Variants in KDM4C observed in about 807,000 individuals in gnomAD.
KDM4C encodes the protein lysine demethylase 4C, also known as lysine-specific demethylase 4C.
In KDM4C, 81 loss-of-function variants were observed where a neutral mutation model predicts 129.3. The ratio of observed to expected loss-of-function variants is 0.63; its 90% CI spans 0.52 to 0.75. The LOEUF is 0.75. KDM4C is among the 30% of genes least tolerant of loss of function. The pLI is 0.00. For missense variants in KDM4C, 1,457 were observed against 1,304.0 expected, an observed-to-expected ratio of 1.12 and a Z score of -1.81; for synonymous variants, 573 against 456.1, an observed-to-expected ratio of 1.26 and a Z score of -3.26.
At chr9:7,087,128 C>A (rs1303081817) in intron 17 of KDM4C, among the ~76,000 whole-genome samples, 2 of 148,986 alleles carry the variant, frequency 1.3e-5, no homozygotes, top group African/African-American at 2.5e-5. Context: ...TAAAGGAGTA[C>A]CCAAATGATG....
chr9:6,843,349 T>C (rs1196770952), intron 4 of KDM4C, among the ~76,000 whole-genome samples: 3 of 152,228 alleles, frequency 2.0e-5, no homozygotes, highest in Non-Finnish European at 4.4e-5. Flanking sequence ...TCTTTGAAAA[T>C]GAAAAATTTA....
chr9:6,960,549 G>A (rs990438276), intron 8 of KDM4C, among the ~76,000 whole-genome samples: 1 of 152,140 alleles, frequency 6.6e-6, no homozygotes, highest in African/African-American at 2.4e-5. Flanking sequence ...ATGAGTCACT[G>A]TGCGTGGCCT....
chr9:7,001,439 C>T (rs1820698899), intron 12 of KDM4C, among the ~76,000 whole-genome samples: 1 of 152,124 alleles, frequency 6.6e-6, no homozygotes, highest in Non-Finnish European at 1.5e-5. Context: ...TTCTTGGGGA[C>T]CCCCAGGAGA....
At chr9:7,059,073 T>G (rs1232575324) in intron 17 of KDM4C, among the ~76,000 whole-genome samples, 2 of 152,222 alleles carry the variant, frequency 1.3e-5, no homozygotes, top group Non-Finnish European at 2.9e-5. Context: ...GTGATATTAA[T>G]TAATGTAGAC....
intron 8 of KDM4C, among the ~76,000 whole-genome samples, chr9:6,955,235 T>C (rs971422453): frequency 6.6e-6 from 1 of 152,222 alleles, no homozygotes. Context: ...TTTAATAGTA[T>C]CAGTTTTTGG....
intron 1 of KDM4C, among the ~76,000 whole-genome samples, chr9:6,722,659 A>G: frequency 6.6e-6 from 1 of 151,838 alleles, no homozygotes; most frequent in Non-Finnish European, 1.5e-5. Context: ...GATTACAGAC[A>G]TGCACCACCA....
At chr9:7,026,968 A>G (rs1458101957) in intron 15 of KDM4C, among the ~76,000 whole-genome samples, 1 of 152,036 alleles carries the variant, frequency 6.6e-6, no homozygotes, top group Non-Finnish European at 1.5e-5. Flanking sequence ...CGTTAAGTTT[A>G]TCTGATATAA....
At chr9:7,022,067 ATAATTT>A (rs1378868594) in intron 15 of KDM4C, among the ~76,000 whole-genome samples, 4 of 152,112 alleles carry the variant, frequency 2.6e-5, no homozygotes, top group African/African-American at 7.2e-5. Flanking sequence ...GCTCTGTATT[ATAATTT>A]TAAGTTAGGC....
intron 6 of KDM4C, 39 bp downstream of exon 6, chr9:6,880,100 A>T: frequency 7.2e-7 from 1 of 1,381,888 alleles, no homozygotes; most frequent in Non-Finnish European, 1.0e-6. Context: ...TGTGTTTTAT[A>T]TGTTTCTGTG....
At position 6,877,928 on chromosome 9, in the gene KDM4C, T is replaced by C. The variant is rs150573818; in HGVS notation, c.630-2084T>C. Among the ~76,000 whole-genome samples the C allele has an allele frequency of 2.0e-3, 302 of 152,346 alleles. 1 individual carries two copies. The highest frequency in any genetic ancestry group is 7.1e-3 in the African/African-American group (295 of 41,580). On this transcript the variant is annotated intron_variant, in intron 5 of 21. Transcript: ENST00000381309. ...TTCAGGGAACTTTCAAAGTTATTTG[T>C]ATAGGAAACATTACATAGCTTTGTC...
At chr9:6,924,556 G>A (rs74507618) in intron 8 of KDM4C, among the ~76,000 whole-genome samples, 1,935 of 152,254 alleles carry the variant, frequency 0.013, 17 homozygotes, top group Non-Finnish European at 0.02. Context: ...CACCTCAGTT[G>A]TTAGCTGGCC....
At chr9:7,117,975 G>A (rs1288412181) in intron 18 of KDM4C, among the ~76,000 whole-genome samples, 1 of 152,128 alleles carries the variant, frequency 6.6e-6, no homozygotes, top group African/African-American at 2.4e-5. Context: ...GCAAGCAGGT[G>A]GTATGTTCCT....
rs114354511 is a variant in KDM4C at position 6,759,342 on chromosome 9, C to A, written c.-18+1139C>A. Among the ~76,000 whole-genome samples, 983 of 152,226 alleles carry A rather than the reference C, an allele frequency of 6.5e-3. 9 individuals carry two copies. The highest frequency in any genetic ancestry group is 0.022 in the African/African-American group (922 of 41,532). On this transcript the variant is annotated intron_variant, in intron 1 of 21. Transcript: ENST00000381309. Reference sequence around the variant, plus strand: ...CTATGGCAACGGTGACTAATATTCTCATTTCGAAGTGTTGTGGTTGAAAAC... The same window carrying A: ...CTATGGCAACGGTGACTAATATTCTAATTTCGAAGTGTTGTGGTTGAAAAC...
chr9:7,005,435 C>CAA (rs35671520), intron 12 of KDM4C, among the ~76,000 whole-genome samples: 17,606 of 123,804 alleles, frequency 0.14, 1,675 homozygotes, highest in African/African-American at 0.27. Context: ...AACTCTGTCT[C>CAA]AAAAAAAAAA....
At chr9:7,122,265 A>ACACACACACACT (rs375655422) in intron 18 of KDM4C, among the ~76,000 whole-genome samples, 18 of 144,820 alleles carry the variant, frequency 1.2e-4, no homozygotes, top group South Asian at 4.4e-4. Context: ...ACACACACAC[A>ACACACACACACT]CTCTCTCTCT....
chr9:7,072,905 C>T (rs1833400716), intron 17 of KDM4C, among the ~76,000 whole-genome samples: 1 of 152,014 alleles, frequency 6.6e-6, no homozygotes, highest in African/African-American at 2.4e-5. Flanking sequence ...TCATCAAAAC[C>T]ACATTTTTAA....
chr9:7,129,495 C>G (rs1049965696), intron 19 of KDM4C, among the ~76,000 whole-genome samples: 4 of 152,170 alleles, frequency 2.6e-5, no homozygotes, highest in Non-Finnish European at 5.9e-5. Context: ...AACAGCATCC[C>G]TTAGGTGACA....
At chr9:7,119,121 G>T (rs994245551) in intron 18 of KDM4C, among the ~76,000 whole-genome samples, 2 of 152,096 alleles carry the variant, frequency 1.3e-5, no homozygotes, top group Non-Finnish European at 2.9e-5. Context: ...AGGCCACCAA[G>T]AAATTACCTA....
chr9:6,911,846 G>C (rs550066957), intron 8 of KDM4C, among the ~76,000 whole-genome samples: 3 of 152,184 alleles, frequency 2.0e-5, no homozygotes, highest in Non-Finnish European at 4.4e-5. Context: ...GGAGGTGGCA[G>C]GGACTGGGCA....
Sources: gnomAD v4.1 joint callset for allele counts (sites outside exome capture counted in the v4.1 genomes callset) on GRCh38, gnomAD v4.1.1 for gene constraint, MANE v1.5 for transcripts, NCBI Gene and HGNC (gene_info 2026-07-23, HGNC 2026-07-21) for gene names.